The following CDH20 variants were observed in gnomAD, a reference collection of about 807,000 sequenced individuals.
CDH20 encodes the protein cadherin 20, also known as cadherin-20.
A neutral mutation model predicts 74.2 loss-of-function variants in CDH20; 29 were observed. The ratio of observed to expected loss-of-function variants is 0.39; its 90% CI spans 0.29 to 0.53. The LOEUF (loss-of-function observed/expected upper bound fraction) is 0.53. Ranked by LOEUF, CDH20 falls within the 20% of genes least tolerant of loss-of-function variation. CDH20 has a pLI of 0.69. For synonymous variants in CDH20, 469 were observed against 405.4 expected (o/e 1.16, Z -1.88); for missense variants, 988 against 1,048.3 (o/e 0.94, Z 0.79).
intron 1 of CDH20, among the ~76,000 whole-genome samples, chr18:61,411,828 A>T (rs779948646): frequency 6.6e-6 from 1 of 152,048 alleles, no homozygotes; most frequent in Non-Finnish European, 1.5e-5. Flanking sequence ...GATACAATGG[A>T]CTTTGGGACT....
chr18:61,441,918 G>A (rs533664506), intron 1 of CDH20, among the ~76,000 whole-genome samples: 13 of 152,204 alleles, frequency 8.5e-5, no homozygotes, highest in Non-Finnish European at 1.5e-4. Context: ...CTACCCGCAT[G>A]TCTTGCTAAA....
chr18:61,438,303 G>A (rs1908903612), intron 1 of CDH20, among the ~76,000 whole-genome samples: 1 of 152,148 alleles, frequency 6.6e-6, no homozygotes, highest in South Asian at 2.1e-4. Flanking sequence ...TTGGGTATGT[G>A]GGTGGTGACA....
At chr18:61,491,978 A>C (rs1193551244) in intron 2 of CDH20, among the ~76,000 whole-genome samples, 3 of 151,846 alleles carry the variant, frequency 2.0e-5, no homozygotes. Context: ...CCACACACTC[A>C]TTCCCTGGGT....
At chr18:61,350,835 A>C (rs1163512747) in intron 1 of CDH20, among the ~76,000 whole-genome samples, 1 of 152,160 alleles carries the variant, frequency 6.6e-6, no homozygotes, top group Non-Finnish European at 1.5e-5. Flanking sequence ...GGGAGCAAAG[A>C]CAGAAAGTGC....
At chr18:61,522,010 C>T (rs1383476400) in intron 6 of CDH20, among the ~76,000 whole-genome samples, 4 of 152,080 alleles carry the variant, frequency 2.6e-5, no homozygotes, top group Admixed American at 6.6e-5. Flanking sequence ...AACTGGCCCA[C>T]GACAAGGATG....
intron 1 of CDH20, among the ~76,000 whole-genome samples, chr18:61,482,236 T>C (rs1239036331): frequency 6.6e-6 from 1 of 152,186 alleles, no homozygotes; most frequent in African/African-American, 2.4e-5. Flanking sequence ...CCTCTTTAAA[T>C]AATCAGAGTA....
intron 1 of CDH20, among the ~76,000 whole-genome samples, chr18:61,422,264 A>T (rs775236009): frequency 5.9e-5 from 9 of 152,202 alleles, no homozygotes; most frequent in Non-Finnish European, 1.0e-4. Flanking sequence ...CTGCAGGGAA[A>T]GCAACTGGCA....
chr18:61,481,511 A>G (rs1490957628), intron 1 of CDH20, among the ~76,000 whole-genome samples: 1 of 152,214 alleles, frequency 6.6e-6, no homozygotes, highest in Admixed American at 6.5e-5. Context: ...TCCTGAAAGC[A>G]TGTATTAGAA....
intron 4 of CDH20, among the ~76,000 whole-genome samples, chr18:61,501,728 T>A (rs1911390227): frequency 1.3e-5 from 2 of 152,132 alleles, no homozygotes; most frequent in South Asian, 4.1e-4. Context: ...AAGATTGCAG[T>A]TAGAGACTTC....
intron 5 of CDH20, among the ~76,000 whole-genome samples, chr18:61,503,833 T>G (rs932918327): frequency 6.6e-6 from 1 of 152,154 alleles, no homozygotes; most frequent in Non-Finnish European, 1.5e-5. Flanking sequence ...AGGATGAGAT[T>G]TCAACAGGGG....
chr18:61,345,003 A>G (rs942764303), intron 1 of CDH20, among the ~76,000 whole-genome samples: 1 of 152,200 alleles, frequency 6.6e-6, no homozygotes, highest in African/African-American at 2.4e-5. Context: ...TATCATTTCA[A>G]TGCCAGAAAG....
chr18:61,551,904 G>A (rs1355652337), intron 11 of CDH20, among the ~76,000 whole-genome samples: 1 of 152,210 alleles, frequency 6.6e-6, no homozygotes, highest in East Asian at 1.9e-4. Context: ...AGGCTCTCAA[G>A]TTAAAAATGG....
chr18:61,490,028 T>C (rs667834), intron 1 of CDH20, among the ~76,000 whole-genome samples: 151,070 of 152,278 alleles, frequency 0.99, 74,952 homozygotes, highest in Middle Eastern at 1. Context: ...CTGTAAATTT[T>C]GTAAATGAAT....
chr18:61,464,870 A>T (rs1909911722), intron 1 of CDH20, among the ~76,000 whole-genome samples: 1 of 152,250 alleles, frequency 6.6e-6, no homozygotes, highest in Non-Finnish European at 1.5e-5. Flanking sequence ...AAAACCAGTT[A>T]GAATCCTCCA....
chr18:61,518,986 A>G lies in CDH20; in HGVS notation c.1018-8981A>G, dbSNP rs543534757. On this transcript the variant is annotated intron_variant, in intron 6 of 11. Coordinates refer to ENST00000262717, the MANE Select transcript of CDH20 (RefSeq NM_031891.4). ...ACTTCGTTAAGCATACACAAGTATC[A>G]ACAGTCAAATTGATCAAGTGGAAGA... Among the ~76,000 whole-genome samples the G allele has an allele frequency of 2.6e-5, 4 of 151,538 alleles. No individual in the cohort carries two copies. In the South Asian group the frequency reaches 8.3e-4, roughly 31 times the overall value.
At position 61,499,439 on chromosome 18, in the gene CDH20, A is replaced by G. The variant is rs888985421; in HGVS notation, c.500A>G (p.Asp167Gly). 2.5e-6 allele frequency: 4 copies of G among 1,613,170 alleles called. No homozygotes were observed. The African/African-American group carries it at 5.3e-5, about 22-fold the overall frequency. The change falls in exon 3 of 12, where the codon GAC (aspartate) becomes GGC (glycine). Residue 167 changes from aspartate to glycine, a missense_variant. Asp to Gly is a moderately conservative substitution (Grantham distance 94). This residue lies in a region of CDH20 where 613 missense variants were observed against 755.2 expected (regional missense o/e 0.81). Transcript: ENST00000262717. ...AATGACAATGAGCCCAAGTTCCTGG[A>G]CGGACCTTATGTGGCCACTGTGCCA... ...DINDNEPKFL[D>G]GPYVATVPEM... is the part of the protein sequence containing the mutation.
chr18:61,521,155 T>A (rs1024122834), intron 6 of CDH20, among the ~76,000 whole-genome samples: 1 of 149,952 alleles, frequency 6.7e-6, no homozygotes, highest in African/African-American at 2.5e-5. Context: ...TTGAAAAGAT[T>A]AACAAAATAG....
rs138335738 is a variant in CDH20 at position 61,449,495 on chromosome 18, C to A, written c.-152-40907C>A. Among the ~76,000 whole-genome samples, 714 of 152,092 alleles carry A rather than the reference C, an allele frequency of 4.7e-3. 6 individuals are homozygous for A. Among genetic ancestry groups the A allele is most frequent in the African/African-American group, 0.016 (684 of 41,520 alleles). The stretch of plus-strand genomic sequence containing the variant: ...AATGGCTCCTCATTAATAGACCAGG[C>A]AGCATGTTGGCATCCGATAGCCATG... On this transcript the variant is annotated intron_variant, in intron 1 of 11. Transcript: ENST00000262717.
intron 1 of CDH20, among the ~76,000 whole-genome samples, chr18:61,470,687 G>A (rs1555678954): frequency 6.6e-6 from 1 of 152,132 alleles, no homozygotes; most frequent in Non-Finnish European, 1.5e-5. Context: ...TGGTGAAGAG[G>A]AAGAAAGGAA....
Sources: gnomAD v4.1 joint callset for allele counts (sites outside exome capture counted in the v4.1 genomes callset) on GRCh38, gnomAD v4.1.1 for gene constraint, gnomAD v4.1.1 regional missense constraint, MANE v1.5 for transcripts, NCBI Gene and HGNC (gene_info 2026-07-23, HGNC 2026-07-21) for gene names.